Variants in NELL1 observed in about 807,000 individuals in gnomAD.
NELL1 encodes neural EGFL like 1.
In NELL1, 76 loss-of-function variants were observed where a neutral mutation model predicts 107.4. That is an observed-to-expected ratio of 0.71 (90% CI 0.59 to 0.86). The LOEUF is 0.86. Among genes scored for constraint, NELL1 ranks in the 40% least tolerant of loss-of-function variants. NELL1 has a pLI of 0.00. For synonymous variants in NELL1, 353 were observed against 341.2 expected, an observed-to-expected ratio of 1.03 and a Z score of -0.38; for missense variants, 1,024 against 1,005.5, an observed-to-expected ratio of 1.02 and a Z score of -0.25.
At chr11:20,932,531 T>C (rs939200812) in intron 9 of NELL1, among the ~76,000 whole-genome samples, 2 of 152,270 alleles carry the variant, frequency 1.3e-5, no homozygotes, top group East Asian at 1.9e-4. Context: ...GCCAAACACT[T>C]TGTCAGTTCT....
chr11:20,790,567 C>T (rs1259512428), intron 3 of NELL1, among the ~76,000 whole-genome samples: 1 of 152,174 alleles, frequency 6.6e-6, no homozygotes, highest in Non-Finnish European at 1.5e-5. Context: ...AGGGTTGGGG[C>T]TCTTGCCTGC....
chr11:20,690,952 G>A (rs1217876556), intron 2 of NELL1, among the ~76,000 whole-genome samples: 4 of 151,840 alleles, frequency 2.6e-5, no homozygotes, highest in East Asian at 3.9e-4. Flanking sequence ...GTCCTCTTTT[G>A]TTTCATTGAG....
chr11:21,077,399 G>A (rs1470462949), intron 12 of NELL1, among the ~76,000 whole-genome samples: 1 of 152,104 alleles, frequency 6.6e-6, no homozygotes, highest in Non-Finnish European at 1.5e-5. Context: ...TGAGATGATA[G>A]GCATCTTGAC....
intron 14 of NELL1, among the ~76,000 whole-genome samples, chr11:21,308,665 C>T (rs1239919872): frequency 6.6e-6 from 1 of 151,940 alleles, no homozygotes; most frequent in Non-Finnish European, 1.5e-5. Context: ...TTCATCTTCT[C>T]TCCCTCCTCC....
intron 13 of NELL1, among the ~76,000 whole-genome samples, chr11:21,147,861 A>AG (rs1011367681): frequency 1.4e-5 from 2 of 147,110 alleles, no homozygotes; most frequent in Admixed American, 1.3e-4. Flanking sequence ...AAAAAAAAAA[A>AG]AAAAGAAAAG....
Position 20,938,002 on chromosome 11 carries a change from T to A in NELL1, c.1071+143T>A, listed in dbSNP as rs544943530. 3.1e-3 allele frequency: 2,178 copies of A among 712,556 alleles called. 25 individuals carry two copies. Among genetic ancestry groups the A allele is most frequent in the Non-Finnish European group, 1.9e-3 (780 of 418,002 alleles). 44.1% of individuals were successfully genotyped at this position (712,556 alleles called of 1,614,324 possible). A position where few individuals can be genotyped will look rare whatever the true frequency, so the allele number is the denominator to read the frequency against. On this transcript the variant is annotated intron_variant, in intron 10 of 19. Coordinates refer to ENST00000357134, the MANE Select transcript of NELL1 (RefSeq NM_006157.5). Reference sequence around the variant, plus strand: ...ACTCTCTGCGGTGGGTTGGATTACATGATGGCGAGGATCCAGCCAGGCCAT... The same window carrying A: ...ACTCTCTGCGGTGGGTTGGATTACAAGATGGCGAGGATCCAGCCAGGCCAT...
At chr11:21,574,859 C>T in intron 19 of NELL1, 113 bp from the exon 20 acceptor site, 2 of 812,584 alleles carry the variant, frequency 2.5e-6, no homozygotes, top group South Asian at 1.6e-5. Context: ...TTTTTTATAG[C>T]CTTCTTGAAG....
chr11:20,798,437 A>G (rs932609200), intron 3 of NELL1, among the ~76,000 whole-genome samples: 24 of 152,236 alleles, frequency 1.6e-4, no homozygotes, highest in Non-Finnish European at 3.4e-4. Flanking sequence ...CTTTTTTAGT[A>G]TAAATTCACA....
intron 14 of NELL1, among the ~76,000 whole-genome samples, chr11:21,327,180 T>TTTG (rs1850164256): frequency 1.4e-5 from 1 of 70,152 alleles, no homozygotes; most frequent in Non-Finnish European, 2.8e-5. Context: ...TTTTTTTTTG[T>TTTG]GGGGGGGACT....
At chr11:20,746,566 TCACACACACACACACACACACA>T (rs10556247) in intron 2 of NELL1, among the ~76,000 whole-genome samples, 3 of 149,380 alleles carry the variant, frequency 2.0e-5, no homozygotes, top group East Asian at 2.0e-4. Context: ...GTGACAGATT[TCACACACACACACACACACACA>T]CACACACACA....
intron 13 of NELL1, among the ~76,000 whole-genome samples, chr11:21,149,522 G>A (rs901408966): frequency 2.6e-5 from 4 of 152,158 alleles, no homozygotes; most frequent in African/African-American, 9.7e-5. Flanking sequence ...CACTACCATG[G>A]AAGAGTATGG....
At chr11:21,174,849 C>A (rs1288097873) in intron 13 of NELL1, among the ~76,000 whole-genome samples, 2 of 151,664 alleles carry the variant, frequency 1.3e-5, no homozygotes, top group Non-Finnish European at 2.9e-5. Context: ...CATTCCCTCT[C>A]CATAACTGAA....
At chr11:21,048,949 T>TG (rs1055431647) in intron 12 of NELL1, among the ~76,000 whole-genome samples, 2 of 152,044 alleles carry the variant, frequency 1.3e-5, no homozygotes, top group East Asian at 1.9e-4. Context: ...AGGAATTTAT[T>TG]GGGGGGTCTT....
rs1851006398 is a variant in NELL1 at position 21,358,794 on chromosome 11, G to A, written c.1550-12059G>A. The stretch of plus-strand genomic sequence containing the variant: ...GTTCTTGATTTGTTTCTCAGCTTGG[G>A]CATTGTTGATATGTACCAGTGCTAC... On this transcript the variant is annotated intron_variant, in intron 14 of 19. Transcript: ENST00000357134. Among the ~76,000 whole-genome samples the A allele has an allele frequency of 2.6e-5, 4 of 151,786 alleles. No homozygotes were observed. In the East Asian group the frequency reaches 5.8e-4, roughly 22 times the overall value.
At chr11:21,434,816 T>C (rs961397631) in intron 15 of NELL1, among the ~76,000 whole-genome samples, 9 of 152,154 alleles carry the variant, frequency 5.9e-5, no homozygotes, top group African/African-American at 2.2e-4. Flanking sequence ...TAATATTAAC[T>C]GTCCTATTCC....
Position 21,295,151 on chromosome 11 carries a change from C to T in NELL1, c.1549+65697C>T, listed in dbSNP as rs1849348082. ...AATAAATTTAATTCTCACATTCACC[C>T]ATTATGTTGATAAAGAACCTGAAGC... On this transcript the variant is annotated intron_variant, in intron 14 of 19. Coordinates refer to ENST00000357134, the MANE Select transcript of NELL1 (RefSeq NM_006157.5). 1.3e-5 allele frequency among the ~76,000 whole-genome samples: 2 copies of T among 152,032 alleles called. 1 individual carries two copies. Among genetic ancestry groups the T allele is most frequent in the South Asian group, 4.1e-4 (2 of 4,826 alleles).
intron 15 of NELL1, among the ~76,000 whole-genome samples, chr11:21,422,918 A>G (rs1003081927): frequency 6.6e-6 from 1 of 152,164 alleles, no homozygotes; most frequent in African/African-American, 2.4e-5. Context: ...TAAACAAAAC[A>G]TGATCCAGCT....
chr11:21,096,884 GTAT>G (rs1376161690), intron 12 of NELL1, among the ~76,000 whole-genome samples: 1 of 151,856 alleles, frequency 6.6e-6, no homozygotes, highest in African/African-American at 2.4e-5. Flanking sequence ...CTAAGTTTTT[GTAT>G]TATTATTATT....
At chr11:21,503,306 TA>T in intron 15 of NELL1, among the ~76,000 whole-genome samples, 1 of 152,314 alleles carries the variant, frequency 6.6e-6, no homozygotes, top group East Asian at 1.9e-4. Context: ...TGCTATCTGT[TA>T]AAAGAGTAAA....
Sources: gnomAD v4.1 joint callset for allele counts (sites outside exome capture counted in the v4.1 genomes callset) on GRCh38, gnomAD v4.1.1 for gene constraint, MANE v1.5 for transcripts, NCBI Gene and HGNC (gene_info 2026-07-23, HGNC 2026-07-21) for gene names.